RNF150: variants seen among roughly 807,000 people sequenced by gnomAD.
The protein encoded by RNF150 is ring finger protein 150.
RNF150 carries 24 observed loss-of-function variants against 39.3 expected under a neutral mutation model. The observed-to-expected ratio is 0.61, with a 90% CI of 0.44 to 0.86. The LOEUF (loss-of-function observed/expected upper bound fraction) is 0.86, where lower values mean the gene tolerates loss of function less well. Among genes scored for constraint, RNF150 ranks in the 40% least tolerant of loss-of-function variants. The pLI, the probability that RNF150 is intolerant of heterozygous loss-of-function variation, is 0.00. For missense variants in RNF150, 502 were observed against 587.8 expected (o/e 0.85, Z 1.51); for synonymous variants, 255 against 227.3 (o/e 1.12, Z -1.10).
chr4:141,206,872 G>A (rs1246021582), intron 1 of RNF150, among the ~76,000 whole-genome samples: 36 of 152,066 alleles, frequency 2.4e-4, no homozygotes, highest in Admixed American at 2.2e-3. Context: ...AGCCAGTAGT[G>A]CAGCCTTTAG....
intron 5 of RNF150, among the ~76,000 whole-genome samples, chr4:140,925,757 CAA>C (rs1731375266): frequency 6.6e-6 from 1 of 152,038 alleles, no homozygotes; most frequent in Non-Finnish European, 1.5e-5. Flanking sequence ...GACTCACAGA[CAA>C]ATATAATGGA....
intron 1 of RNF150, among the ~76,000 whole-genome samples, chr4:141,162,456 G>C (rs1248531607): frequency 6.6e-6 from 1 of 152,108 alleles, no homozygotes; most frequent in Non-Finnish European, 1.5e-5. Flanking sequence ...TCTCAGATGA[G>C]ACTTTGGACT....
chr4:140,975,897 A>G (rs1455503452), intron 1 of RNF150, among the ~76,000 whole-genome samples: 1 of 152,166 alleles, frequency 6.6e-6, no homozygotes, highest in Non-Finnish European at 1.5e-5. Context: ...CCGGCCTTCT[A>G]TGTCATGAGT....
In RNF150 at chr4:140,866,331, T is replaced by G. The variant is rs1728707604; in HGVS notation, c.*1930A>C. Reference sequence around the variant, plus strand: ...AGCCAGAGGAGCTTGGGGACTCATGTTATTAAACCCTTCACATTATAGATG... The same window carrying G: ...AGCCAGAGGAGCTTGGGGACTCATGGTATTAAACCCTTCACATTATAGATG... On this transcript the variant is annotated 3_prime_UTR_variant, in exon 7 of 7. Transcript: ENST00000515673. 6.6e-6 allele frequency: 1 copy of G among 152,176 alleles called. No individual in the cohort carries two copies. Among genetic ancestry groups the G allele is most frequent in the African/African-American group, 2.4e-5 (1 of 41,444 alleles). The allele number at this position is 152,176 out of a possible 1,614,324, so 9.4% of individuals were successfully genotyped here.
chr4:140,910,704 A>G (rs1863303), intron 6 of RNF150, among the ~76,000 whole-genome samples: 602 of 35,306 alleles, frequency 0.017, 5 homozygotes, highest in African/African-American at 0.032. Flanking sequence ...TCGGGGCTCC[A>G]GTGTGTGTGT....
chr4:140,902,093 C>T (rs548093743), intron 6 of RNF150, among the ~76,000 whole-genome samples: 2 of 152,186 alleles, frequency 1.3e-5, no homozygotes, highest in East Asian at 1.9e-4. Flanking sequence ...TGAATGATTA[C>T]CCAGGAAGCA....
rs558168816 is a variant in RNF150, at chr4:141,197,674, C to T, written c.-6+15120G>A. ...TGGGCAGATCACGAGGTCAGGAGAT[C>T]GAGACCATCCTGGCTAACATGGTGA... On this transcript the variant is annotated intron_variant, in intron 1 of 7. Coordinates refer to the RNF150 transcript ENST00000420921. Among the ~76,000 whole-genome samples, 3 of 152,080 alleles carry T rather than the reference C, an allele frequency of 2.0e-5. No homozygotes were observed. In the East Asian group the frequency reaches 5.8e-4, roughly 30 times the overall value.
chr4:141,211,127 T>C (rs1728457694), intron 1 of RNF150, among the ~76,000 whole-genome samples: 1 of 152,214 alleles, frequency 6.6e-6, no homozygotes. Context: ...CCATCATTAA[T>C]TAGGTTTTCA....
intron 1 of RNF150, among the ~76,000 whole-genome samples, chr4:141,079,454 C>A (rs1738064880): frequency 6.6e-6 from 1 of 152,128 alleles, no homozygotes; most frequent in South Asian, 2.1e-4. Flanking sequence ...GGCCCAAATT[C>A]CAGTTCCATC....
At chr4:140,999,937 CAA>C (rs35155778) in intron 1 of RNF150, among the ~76,000 whole-genome samples, 2 of 30,818 alleles carry the variant, frequency 6.5e-5, no homozygotes, top group Non-Finnish European at 1.5e-4. Context: ...GACTTGGTCT[CAA>C]AAAAAGAAGA....
chr4:141,184,691 G>T (rs1727970097), intron 1 of RNF150, among the ~76,000 whole-genome samples: 1 of 152,098 alleles, frequency 6.6e-6, no homozygotes, highest in Admixed American at 6.6e-5. Flanking sequence ...TAAGGTGTAA[G>T]GAAGGGGTCC....
chr4:141,009,730 C>T (rs1217364095), intron 1 of RNF150, among the ~76,000 whole-genome samples: 1 of 152,200 alleles, frequency 6.6e-6, no homozygotes, highest in East Asian at 1.9e-4. Context: ...TTAATTCTGA[C>T]AAACATCTAG....
At chr4:141,157,442 C>T (rs1162208526) in intron 1 of RNF150, among the ~76,000 whole-genome samples, 1 of 152,126 alleles carries the variant, frequency 6.6e-6, no homozygotes, top group African/African-American at 2.4e-5. Flanking sequence ...GCAGGTTGAA[C>T]CTCAGAGCAA....
chr4:141,205,969 A>G (rs937792343), intron 1 of RNF150, among the ~76,000 whole-genome samples: 1 of 152,170 alleles, frequency 6.6e-6, no homozygotes, highest in Non-Finnish European at 1.5e-5. Context: ...AATAATTAAG[A>G]TGATCCCTCT....
intron 1 of RNF150, among the ~76,000 whole-genome samples, chr4:141,078,567 A>T (rs1444001328): frequency 6.6e-6 from 1 of 151,638 alleles, no homozygotes; most frequent in East Asian, 1.9e-4. Context: ...GCAGATCACG[A>T]AGTCAGGAGA....
At chr4:140,886,611 G>C in intron 6 of RNF150, among the ~76,000 whole-genome samples, 1 of 152,054 alleles carries the variant, frequency 6.6e-6, no homozygotes, top group African/African-American at 2.4e-5. Flanking sequence ...TGTCCTTAAA[G>C]GAACAAAAGT....
intron 6 of RNF150, among the ~76,000 whole-genome samples, chr4:140,906,777 G>C (rs1042930161): frequency 6.6e-6 from 1 of 152,152 alleles, no homozygotes; most frequent in African/African-American, 2.4e-5. Context: ...GCCATATCTT[G>C]ATTCCACCAT....
intron 1 of RNF150, among the ~76,000 whole-genome samples, chr4:141,125,052 C>T (rs1045798643): frequency 6.6e-6 from 1 of 152,118 alleles, no homozygotes; most frequent in South Asian, 2.1e-4. Context: ...GTGAAGACTA[C>T]TTATAGAAAG....
intron 1 of RNF150, among the ~76,000 whole-genome samples, chr4:141,175,625 G>T (rs1727796375): frequency 6.6e-6 from 1 of 152,176 alleles, no homozygotes; most frequent in Non-Finnish European, 1.5e-5. Flanking sequence ...GCAACTGAAA[G>T]ATAAGGCAAA....
Sources: allele counts gnomAD v4.1 joint callset (sites outside exome capture counted in the v4.1 genomes callset), GRCh38; gene constraint gnomAD v4.1.1; transcripts MANE v1.5; gene names NCBI Gene and HGNC (gene_info 2026-07-23, HGNC 2026-07-21).